SIRPB1: variants seen among roughly 807,000 people sequenced by gnomAD.
The protein encoded by SIRPB1 is signal-regulatory protein beta-1.
Under a neutral mutation model 34.1 loss-of-function variants are expected in SIRPB1, and 28 were observed. That is an observed-to-expected ratio of 0.82 (90% CI 0.61 to 1.12). SIRPB1 has a LOEUF of 1.12. SIRPB1 is among the 50% of genes most tolerant of loss of function. SIRPB1 has a pLI of 0.00. For missense variants in SIRPB1, 499 were observed against 507.0 expected, an observed-to-expected ratio of 0.98 and a Z score of 0.15; for synonymous variants, 211 against 203.8, an observed-to-expected ratio of 1.04 and a Z score of -0.30.
In SIRPB1 at chr20:1,561,472, T is replaced by C. The variant is rs2091083072; in HGVS notation, c.*4028A>G. On this transcript the variant is annotated 3_prime_UTR_variant, in exon 6 of 6. Transcript: ENST00000381605. ...TCCAGCATCCCATCCAGGATACCTGTTACATTTACTTGTCATATCTCCTCA... is the reference window on the plus strand; with the variant it reads ...TCCAGCATCCCATCCAGGATACCTGCTACATTTACTTGTCATATCTCCTCA... 1.3e-5 allele frequency among the ~76,000 whole-genome samples: 2 copies of C among 152,180 alleles called. No homozygotes were observed. Among genetic ancestry groups the C allele is most frequent in the African/African-American group, 2.4e-5 (1 of 41,448 alleles).
Position 1,619,979 on chromosome 20 carries a change from T to G in SIRPB1, c.-35A>C. 6.3e-7 allele frequency: 1 copy of G among 1,597,484 alleles called. No homozygotes were observed. The highest frequency in any genetic ancestry group is 8.5e-7 in the Non-Finnish European group (1 of 1,172,250). On this transcript the variant is annotated 5_prime_UTR_variant, in exon 1 of 6. Coordinates refer to ENST00000381605, the MANE Select transcript of SIRPB1 (RefSeq NM_006065.5). ...CTTAGGAGCCTGCTCTGTCCAAACG[T>G]CTGTGCTGGGAAGATCGCAGACTCT...
Position 1,619,933 on chromosome 20 carries a change from T to A in SIRPB1, c.12A>T (p.Pro4=). The A allele has an allele frequency of 6.2e-7, 1 of 1,613,806 alleles. No individual in the cohort carries two copies. The highest frequency in any genetic ancestry group is 1.1e-5 in the South Asian group (1 of 91,080). Residue 4 remains proline (P), a synonymous_variant, in exon 1 of 6, where the codon CCA becomes CCT. Coordinates refer to ENST00000381605, the MANE Select transcript of SIRPB1 (RefSeq NM_006065.5). The stretch of plus-strand genomic sequence containing the variant: ...GACTAGGAAGGTGGGGCCAGGAGGC[T>A]GGCACGGGCATTCTGGAGACCTTAG... MPV[P]ASWPHLPSPF...
At chr20:1,567,371 T>C (rs1165291517) in intron 4 of SIRPB1, among the ~76,000 whole-genome samples, 1 of 152,182 alleles carries the variant, frequency 6.6e-6, no homozygotes, top group Non-Finnish European at 1.5e-5. Context: ...CTTTTGCCTC[T>C]CTGCAAGAGC....
intron 4 of SIRPB1, among the ~76,000 whole-genome samples, chr20:1,567,537 C>A (rs1331565596): frequency 6.6e-6 from 1 of 152,122 alleles, no homozygotes; most frequent in East Asian, 1.9e-4. Flanking sequence ...AGAAACTGTC[C>A]TTGGGAAGTG....
At chr20:1,606,084 G>T in intron 1 of SIRPB1, 1 of 177,120 alleles carries the variant, frequency 5.6e-6, no homozygotes, top group South Asian at 5.4e-5. Flanking sequence ...ACTATTCAGG[G>T]TTTCACTGAC....
At position 1,572,010 on chromosome 20, in the gene SIRPB1, C is replaced by A. The variant is rs139432093; in HGVS notation, c.461G>T (p.Gly154Val). Residue 154 changes from glycine to valine, a missense_variant, in exon 3 of 6, where the codon GGC becomes GTC. Physicochemically the swap from Gly to Val is moderately radical, Grantham distance 109. Coordinates refer to ENST00000381605, the MANE Select transcript of SIRPB1 (RefSeq NM_006065.5). Reference protein sequence around the residue: ...RAKPSAPVVSGPAVRATPEHT... With the variant: ...RAKPSAPVVSVPAVRATPEHT... The stretch of plus-strand genomic sequence containing the variant: ...CTCAGGTGTGGCCCTCACCGCAGGG[C>A]CCGATACCACGGGGGCAGAGGGTTT... The A allele has an allele frequency of 2.0e-5, 33 of 1,613,988 alleles. No homozygotes were observed. The African/African-American group carries it at 2.8e-4, about 14-fold the overall frequency.
At position 1,614,017 on chromosome 20, in the gene SIRPB1, T is replaced by C. The variant is rs540664508; in HGVS notation, c.76+5852A>G. Among the ~76,000 whole-genome samples the C allele has an allele frequency of 4.3e-4, 65 of 152,252 alleles. 2 individuals are homozygous for C. In the South Asian group the frequency reaches 0.012, roughly 28 times the overall value. On this transcript the variant is annotated intron_variant, in intron 1 of 5. Transcript: ENST00000381605. ...AGCAAGACAGAAGTGATTCCTTACA[T>C]AAAAGAGACCCTCAATAAGATTTTC...
At position 1,592,595 on chromosome 20, in the gene SIRPB1, T is replaced by G. The variant is rs2091446777; in HGVS notation, c.77-13901A>C. ...GACTTCTCAAATAGAGGGAGAAAAT[T>G]TATGTGTTTTACGATGTTGGGGGGC... is the stretch of plus-strand genomic sequence containing the variant. On this transcript the variant is annotated intron_variant, in intron 1 of 5. Transcript: ENST00000381605. Among the ~76,000 whole-genome samples, 2 of 48,782 alleles carry G rather than the reference T, an allele frequency of 4.1e-5. 1 individual carries two copies. The highest frequency in any genetic ancestry group is 2.7e-4 in the African/African-American group (2 of 7,280). 32.0% of individuals were successfully genotyped at this position (48,782 alleles called of 152,430 possible). A position where few individuals can be genotyped will look rare whatever the true frequency, so the allele number is the denominator to read the frequency against.
At chr20:1,618,010 T>C (rs185953391) in intron 1 of SIRPB1, among the ~76,000 whole-genome samples, 38 of 151,880 alleles carry the variant, frequency 2.5e-4, no homozygotes, top group African/African-American at 6.3e-4. Flanking sequence ...CACACACACA[T>C]ATATATGTAT....
At position 1,611,310 on chromosome 20, in the gene SIRPB1, G is replaced by C; in HGVS notation, c.76+8559C>G. 2.5e-6 allele frequency: 2 copies of C among 801,740 alleles called. 1 individual carries two copies. The highest frequency in any genetic ancestry group is 3.3e-6 in the Non-Finnish European group (2 of 598,944). 49.7% of individuals were successfully genotyped at this position (801,740 alleles called of 1,614,324 possible). On this transcript the variant is annotated intron_variant, in intron 1 of 5. Transcript: ENST00000381605. ...TAAGAATGGATAATGTAATTATTGAGTTATTGTCACACACTAGGGGATGAA... is the reference window on the plus strand; with the variant it reads ...TAAGAATGGATAATGTAATTATTGACTTATTGTCACACACTAGGGGATGAA...
rs1416019007 is a variant in SIRPB1, at chr20:1,619,934, G to A, written c.11C>T (p.Pro4Leu). Residue 4 changes from proline (P) to leucine (L), a missense_variant, in exon 1 of 6, where the codon CCA (proline) becomes CTA (leucine). Transcript: ENST00000381605. Reference sequence around the variant, plus strand: ...ACTAGGAAGGTGGGGCCAGGAGGCTGGCACGGGCATTCTGGAGACCTTAGG... The same window carrying A: ...ACTAGGAAGGTGGGGCCAGGAGGCTAGCACGGGCATTCTGGAGACCTTAGG... MPV[P>L]ASWPHLPSPF... 1 of 1,613,778 alleles carries A rather than the reference G, an allele frequency of 6.2e-7. No individual in the cohort carries two copies. Among genetic ancestry groups the A allele is most frequent in the Admixed American group, 1.7e-5 (1 of 59,992 alleles).
Position 1,598,847 on chromosome 20 carries a change from C to T in SIRPB1, c.77-20153G>A. 9.0e-6 allele frequency: 5 copies of T among 556,980 alleles called. 2 individuals are homozygous for T. Among genetic ancestry groups the T allele is most frequent in the Non-Finnish European group, 1.2e-5 (5 of 418,416 alleles). The allele number at this position is 556,980 out of a possible 1,614,324, so 34.5% of individuals were successfully genotyped here. ...AGTCAGGCCTTCTGCTTCCAGTAGA[C>T]ATAGATGACAGAGACACCAACCACC... On this transcript the variant is annotated intron_variant, in intron 1 of 5. Coordinates refer to ENST00000381605, the MANE Select transcript of SIRPB1 (RefSeq NM_006065.5).
chr20:1,569,319 G>C (rs1161546320), intron 4 of SIRPB1, among the ~76,000 whole-genome samples: 5 of 152,180 alleles, frequency 3.3e-5, no homozygotes, highest in Non-Finnish European at 1.5e-5. Flanking sequence ...AAATGTGAAT[G>C]TATGCTCCAT....
chr20:1,617,981 A>C (rs924683513), intron 1 of SIRPB1, among the ~76,000 whole-genome samples: 19 of 152,122 alleles, frequency 1.2e-4, no homozygotes, highest in African/African-American at 4.3e-4. Flanking sequence ...ATATACACAC[A>C]CATATATGTA....
Position 1,570,984 on chromosome 20 carries a change from A to C in SIRPB1, c.905T>G (p.Ile302Arg), listed in dbSNP as rs753698139. ...VSRTETASTL[I>R]ENKDGTYNWM... The stretch of plus-strand genomic sequence containing the variant: ...GTTGTAGGTGCCATCCTTGTTCTCT[A>C]TGAGGGTCGAAGCTGTTTCTGTCCG... Residue 302 changes from isoleucine to arginine, a missense_variant, in exon 4 of 6, where the codon ATA (isoleucine) becomes AGA (arginine). Physicochemically the swap from Ile to Arg is moderately conservative, Grantham distance 97. Transcript: ENST00000381605. 4.3e-6 allele frequency: 7 copies of C among 1,614,058 alleles called. No homozygotes were observed. The highest frequency in any genetic ancestry group is 5.9e-6 in the Non-Finnish European group (7 of 1,179,992).
Position 1,576,390 on chromosome 20 carries a change from T to G in SIRPB1, c.433+1948A>C, listed in dbSNP as rs185485696. On this transcript the variant is annotated intron_variant, in intron 2 of 5. Transcript: ENST00000381605. ...TTTTTTAAAAAGCTGTTAGTAAAGCTATGTGTCTTCTGGAGGTTCTGTTTT... is the reference window on the plus strand; with the variant it reads ...TTTTTTAAAAAGCTGTTAGTAAAGCGATGTGTCTTCTGGAGGTTCTGTTTT... Among the ~76,000 whole-genome samples, 3 of 148,300 alleles carry G rather than the reference T, an allele frequency of 2.0e-5. No homozygotes were observed. The East Asian group carries it at 5.8e-4, about 29-fold the overall frequency.
At chr20:1,571,647 T>C in intron 3 of SIRPB1, 73 bp downstream of exon 3, 2 of 1,606,226 alleles carry the variant, frequency 1.2e-6, no homozygotes, top group East Asian at 2.2e-5. Flanking sequence ...CCTTTCAAGC[T>C]CTGGAGCCTG....
chr20:1,579,574 C>T lies in SIRPB1; in HGVS notation c.77-880G>A, dbSNP rs968472368. On this transcript the variant is annotated intron_variant, in intron 1 of 5. Coordinates refer to ENST00000381605, the MANE Select transcript of SIRPB1 (RefSeq NM_006065.5). ...GCGTGAATGACCGTTGCATGCAGAA[C>T]TGCCAATCCACACTGAATATGTAGC... 1.3e-4 allele frequency among the ~76,000 whole-genome samples: 20 copies of T among 148,900 alleles called. 2 individuals carry two copies. The highest frequency in any genetic ancestry group is 3.5e-3 in the Middle Eastern group (1 of 286).
intron 2 of SIRPB1, among the ~76,000 whole-genome samples, chr20:1,573,142 CTGT>C (rs1948469350): frequency 7.6e-6 from 1 of 132,182 alleles, no homozygotes; most frequent in African/African-American, 2.8e-5. Context: ...AATCATTTTG[CTGT>C]TGTTGTTAGT....
Sources: gnomAD v4.1 joint callset for allele counts (sites outside exome capture counted in the v4.1 genomes callset) on GRCh38, gnomAD v4.1.1 for gene constraint, MANE v1.5 for transcripts, NCBI Gene and HGNC (gene_info 2026-07-23, HGNC 2026-07-21) for gene names.